VAV2: variants seen among roughly 807,000 people sequenced by gnomAD.
The protein encoded by VAV2 is guanine nucleotide exchange factor VAV2.
A neutral mutation model predicts 132.5 loss-of-function variants in VAV2; 67 were observed. That is an observed-to-expected ratio of 0.51 (90% CI 0.42 to 0.62). VAV2 has a LOEUF of 0.62. Among genes scored for constraint, VAV2 ranks in the 20% least tolerant of loss-of-function variants. The pLI is 0.00. For missense variants in VAV2, 938 were observed against 1,153.6 expected (o/e 0.81, Z 2.71); for synonymous variants, 492 against 443.5 (o/e 1.11, Z -1.37).
At chr9:133,779,335 C>T (rs1401158096) in intron 21 of VAV2, among the ~76,000 whole-genome samples, 1 of 152,204 alleles carries the variant, frequency 6.6e-6, no homozygotes, top group East Asian at 1.9e-4. Flanking sequence ...GGAGGCTGCT[C>T]TTAGACAAGC....
Position 133,778,827 on chromosome 9 carries a change from G to A in VAV2, c.1825C>T (p.Leu609=), listed in dbSNP as rs1196292918. ...AGCACGTCGCCCGTCTGGAAGGTCA[G>A]CACAGGCTTCCCGGGAGGGGCTGGG... ...GNPAPPGKPV[L]TFQTGDVLEL... Residue 609 remains leucine (L), a synonymous_variant, in exon 22 of 30, where the codon CTG becomes TTG. Coordinates refer to ENST00000371850, the MANE Select transcript of VAV2 (RefSeq NM_001134398.2). The A allele has an allele frequency of 6.2e-7, 1 of 1,613,142 alleles. No homozygotes were observed. The highest frequency in any genetic ancestry group is 1.3e-5 in the African/African-American group (1 of 75,062).
chr9:133,898,301 T>C (rs563089016), intron 2 of VAV2, among the ~76,000 whole-genome samples: 8 of 152,152 alleles, frequency 5.3e-5, no homozygotes, highest in Admixed American at 1.3e-4. Flanking sequence ...AGAAAGAGAC[T>C]TTTTAGGGCG....
chr9:133,797,878 G>C (rs555951562), intron 9 of VAV2, 69 bp from the exon 10 acceptor site: 1 of 1,464,670 alleles, frequency 6.8e-7, no homozygotes, highest in Non-Finnish European at 9.3e-7. Flanking sequence ...CAGTGAGCCC[G>C]TCCATTTTTC....
intron 14 of VAV2, among the ~76,000 whole-genome samples, 178 bp downstream of exon 14, chr9:133,789,080 C>T (rs746968013): frequency 3.3e-5 from 5 of 152,242 alleles, no homozygotes; most frequent in Non-Finnish European, 4.4e-5. Context: ...ACTGCTGTGG[C>T]GCCCGCTCGC....
At chr9:133,772,536 C>G (rs73662193) in intron 25 of VAV2, among the ~76,000 whole-genome samples, 4,478 of 151,908 alleles carry the variant, frequency 0.029, 242 homozygotes, top group African/African-American at 0.1. Flanking sequence ...TAACCTCCTT[C>G]TGTCCTCAAG....
At chr9:133,911,689 C>G (rs1245732500) in intron 2 of VAV2, among the ~76,000 whole-genome samples, 2 of 152,206 alleles carry the variant, frequency 1.3e-5, no homozygotes, top group East Asian at 3.9e-4. Flanking sequence ...CCTGCTCCCC[C>G]ATCAACCTCC....
At chr9:133,990,943 A>C (rs1842995409) in intron 1 of VAV2, among the ~76,000 whole-genome samples, 1 of 151,920 alleles carries the variant, frequency 6.6e-6, no homozygotes. Context: ...GCGCCCCCCA[A>C]CCCGGCAGAG....
intron 24 of VAV2, 44 bp from the exon 25 acceptor site, chr9:133,775,095 A>G (rs1486080910): frequency 5.9e-6 from 9 of 1,525,814 alleles, no homozygotes; most frequent in Non-Finnish European, 8.0e-6. Flanking sequence ...CAGTGAGGAC[A>G]GTGTCTGAGG....
chr9:133,864,090 G>A (rs1005448746), intron 2 of VAV2, among the ~76,000 whole-genome samples: 4 of 152,106 alleles, frequency 2.6e-5, no homozygotes, highest in Non-Finnish European at 5.9e-5. Flanking sequence ...TTCCGATATC[G>A]CAAATGTCAA....
chr9:133,964,129 G>T lies in VAV2; in HGVS notation c.205-24910C>A, dbSNP rs74421660. On this transcript the variant is annotated intron_variant, in intron 1 of 29. Coordinates refer to ENST00000371850, the MANE Select transcript of VAV2 (RefSeq NM_001134398.2). ...AGTCCCAGCACTTTGGGAGTCCAAG[G>T]TGCAGATTATGTGAGCCCAGGAGTT... Among the ~76,000 whole-genome samples, 264 of 147,180 alleles carry T rather than the reference G, an allele frequency of 1.8e-3. 1 individual carries two copies. The highest frequency in any genetic ancestry group is 0.014 in the East Asian group (72 of 5,020).
At position 133,778,839 on chromosome 9, in the gene VAV2, C is replaced by A. The variant is rs148238092; in HGVS notation, c.1813G>T (p.Gly605Trp). ...QNYHGNPAPP[G>W]KPVLTFQTGD... ...GTCTGGAAGGTCAGCACAGGCTTCCCGGGAGGGGCTGGGTTGCCATGGTAA... is the reference window on the plus strand; with the variant it reads ...GTCTGGAAGGTCAGCACAGGCTTCCAGGGAGGGGCTGGGTTGCCATGGTAA... Residue 605 changes from glycine to tryptophan, a missense_variant, in exon 22 of 30, where the codon GGG becomes TGG. Transcript: ENST00000371850. 47 of 1,612,868 alleles carry A rather than the reference C, an allele frequency of 2.9e-5. No individual in the cohort carries two copies. The South Asian group carries it at 4.9e-4, about 17-fold the overall frequency.
chr9:133,785,992 A>T, intron 16 of VAV2, 107 bp from the exon 17 acceptor site: 1 of 956,598 alleles, frequency 1.0e-6, no homozygotes, highest in Non-Finnish European at 1.6e-6. Context: ...GTGTATATGC[A>T]TATGTGCACA....
chr9:133,842,207 G>C (rs1836752168), intron 3 of VAV2, among the ~76,000 whole-genome samples: 1 of 152,242 alleles, frequency 6.6e-6, no homozygotes, highest in Non-Finnish European at 1.5e-5. Flanking sequence ...TCCAGGGCTT[G>C]AGACAGTCCC....
intron 2 of VAV2, among the ~76,000 whole-genome samples, chr9:133,904,770 C>T (rs77995834): frequency 0.023 from 3,450 of 152,332 alleles, 134 homozygotes; most frequent in African/African-American, 0.078. Context: ...CTGAGGGCCC[C>T]GTGAAGCTCA....
rs1489937980 is a variant in VAV2 at position 133,969,364 on chromosome 9, C to G, written c.204+22711G>C. The stretch of plus-strand genomic sequence containing the variant: ...CAGACGTCTCTCTCCAGGGATCTGA[C>G]AGTGCCAGAGGCTGCTAAGTTTGGT... On this transcript the variant is annotated intron_variant, in intron 1 of 29. Transcript: ENST00000371850. This position sits in a 1 kb window ranked among gnomAD's most constrained non-coding sequence, Gnocchi z 5.1. Among the ~76,000 whole-genome samples, 1 of 152,184 alleles carries G rather than the reference C, an allele frequency of 6.6e-6. No individual in the cohort carries two copies. Among genetic ancestry groups the G allele is most frequent in the African/African-American group, 2.4e-5 (1 of 41,434 alleles).
Position 133,784,352 on chromosome 9 carries a change from CT to C in VAV2, c.1598del (p.Lys533ArgfsTer36). ...HHSFQMYTFDKTTNCKACKMF... is the reference protein window; with the variant it reads ...HHSFQMYTFDXTTNCKACKMF... ...TTTTGCAGGCTTTGCAGTTGGTGGT[CT>C]TGTCAAACGTGTACATCTGGAAACT... is the stretch of plus-strand genomic sequence containing the variant. On this transcript the variant is annotated frameshift_variant, in exon 18 of 30. Transcript: ENST00000371850. LOFTEE classifies it high-confidence loss of function. 1.2e-6 allele frequency: 2 copies of C among 1,614,196 alleles called. No homozygotes were observed. Among genetic ancestry groups the C allele is most frequent in the Non-Finnish European group, 1.7e-6 (2 of 1,180,036 alleles).
In VAV2 at chr9:133,918,119, T is replaced by C. The variant is rs1840165734; in HGVS notation, c.321+20984A>G. On this transcript the variant is annotated intron_variant, in intron 2 of 29. Coordinates refer to ENST00000371850, the MANE Select transcript of VAV2 (RefSeq NM_001134398.2). The surrounding 1 kb of genome is among the most constrained non-coding windows in gnomAD (Gnocchi z 4.7). ...TGATTTAATTTGCTTTTCCTAATGA[T>C]ATGCCCACAGTATTAGGACAGCTCT... 6.6e-6 allele frequency among the ~76,000 whole-genome samples: 1 copy of C among 152,200 alleles called. No homozygotes were observed. Among genetic ancestry groups the C allele is most frequent in the South Asian group, 2.1e-4 (1 of 4,834 alleles).
intron 1 of VAV2, among the ~76,000 whole-genome samples, chr9:133,947,255 A>G (rs1480378838): frequency 1.3e-5 from 2 of 152,064 alleles, no homozygotes; most frequent in African/African-American, 4.8e-5. Context: ...GCACACATCA[A>G]TGTCACCTGC....
intron 25 of VAV2, among the ~76,000 whole-genome samples, chr9:133,774,390 G>C (rs1405865156): frequency 1.3e-5 from 2 of 152,214 alleles, no homozygotes; most frequent in African/African-American, 4.8e-5. Context: ...TCAGTGCTTG[G>C]TGGGCTCCAG....
Sources: allele counts gnomAD v4.1 joint callset (sites outside exome capture counted in the v4.1 genomes callset), GRCh38; gene constraint gnomAD v4.1.1; non-coding constraint Gnocchi (gnomAD v3.1); transcripts MANE v1.5; gene names NCBI Gene and HGNC (gene_info 2026-07-23, HGNC 2026-07-21).